Variants in CNBD1 observed in about 807,000 individuals in gnomAD.
CNBD1 encodes cyclic nucleotide-binding domain-containing protein 1.
A neutral mutation model predicts 54.4 loss-of-function variants in CNBD1; 71 were observed. That is an observed-to-expected ratio of 1.30 (90% CI 1.08 to 1.59). The LOEUF (loss-of-function observed/expected upper bound fraction) is 1.59, where lower values mean the gene tolerates loss of function less well. Among genes scored for constraint, CNBD1 ranks in the 40% most tolerant of loss-of-function variants. The pLI is 0.00. For synonymous variants in CNBD1, 182 were observed against 170.7 expected, an observed-to-expected ratio of 1.07 and a Z score of -0.51; for missense variants, 659 against 518.0, an observed-to-expected ratio of 1.27 and a Z score of -2.64.
At chr8:86,943,709 A>G (rs1454397544) in intron 4 of CNBD1, among the ~76,000 whole-genome samples, 1 of 152,204 alleles carries the variant, frequency 6.6e-6, no homozygotes, top group East Asian at 1.9e-4. Context: ...TTTGTTTTTT[A>G]AGGCATATCA....
rs371218597 is a variant in CNBD1 at position 87,343,531 on chromosome 8, AT to A, written c.1043-8152del. Among the ~76,000 whole-genome samples the A allele has an allele frequency of 2.2e-3, 337 of 152,338 alleles. 2 individuals are homozygous for A. Among genetic ancestry groups the A allele is most frequent in the African/African-American group, 7.6e-3 (318 of 41,582 alleles). Reference sequence around the variant, plus strand: ...CCTGACTTCCCGCAACAAAAAACAGATTATAAAACATGTAACTTATAACTAT... The same window carrying A: ...CCTGACTTCCCGCAACAAAAAACAGATATAAAACATGTAACTTATAACTAT... On this transcript the variant is annotated intron_variant, in intron 8 of 10. Transcript: ENST00000518476.
At chr8:87,311,953 G>A (rs1303490318) in intron 8 of CNBD1, among the ~76,000 whole-genome samples, 1 of 151,994 alleles carries the variant, frequency 6.6e-6, no homozygotes, top group Non-Finnish European at 1.5e-5. Flanking sequence ...AGAGTGGGGA[G>A]GGAGAGAGGG....
At chr8:87,194,029 G>A (rs542280692) in intron 4 of CNBD1, among the ~76,000 whole-genome samples, 5 of 152,258 alleles carry the variant, frequency 3.3e-5, no homozygotes, top group African/African-American at 1.2e-4. Context: ...GCTGAGCTCC[G>A]CCTCCTGTCA....
At chr8:86,967,801 G>GTTTT (rs796253707) in intron 4 of CNBD1, among the ~76,000 whole-genome samples, 1 of 134,274 alleles carries the variant, frequency 7.4e-6, no homozygotes, top group Non-Finnish European at 1.6e-5. Flanking sequence ...TGCTTGTTCA[G>GTTTT]TTTTTTTTTT....
chr8:86,943,316 G>A (rs1476532473), intron 4 of CNBD1, among the ~76,000 whole-genome samples: 4 of 135,012 alleles, frequency 3.0e-5, no homozygotes, highest in Non-Finnish European at 6.1e-5. Context: ...GAGGCGAGCC[G>A]AGATTGGGCC....
At chr8:87,250,364 A>G (rs1368062695) in intron 6 of CNBD1, among the ~76,000 whole-genome samples, 1 of 152,210 alleles carries the variant, frequency 6.6e-6, no homozygotes, top group African/African-American at 2.4e-5. Flanking sequence ...ACTCTTGTAC[A>G]CTGTTGGTTG....
intron 3 of CNBD1, among the ~76,000 whole-genome samples, chr8:86,924,600 A>G (rs1809327434): frequency 6.6e-6 from 1 of 152,088 alleles, no homozygotes; most frequent in African/African-American, 2.4e-5. Context: ...GACAATGAAT[A>G]TTTTTTTGCC....
intron 2 of CNBD1, among the ~76,000 whole-genome samples, chr8:87,397,247 A>G (rs1004503206): frequency 2.0e-5 from 3 of 151,888 alleles, no homozygotes; most frequent in Non-Finnish European, 4.4e-5. Context: ...AATAATATTT[A>G]TACTATTAGG....
At chr8:87,113,783 G>T (rs1296708533) in intron 4 of CNBD1, among the ~76,000 whole-genome samples, 2 of 152,022 alleles carry the variant, frequency 1.3e-5, no homozygotes, top group Non-Finnish European at 2.9e-5. Flanking sequence ...GCCAGGTGTG[G>T]TGGCAGGCGC....
At chr8:87,055,502 T>A (rs970676047) in intron 4 of CNBD1, among the ~76,000 whole-genome samples, 5 of 151,840 alleles carry the variant, frequency 3.3e-5, no homozygotes, top group Non-Finnish European at 5.9e-5. Flanking sequence ...GGGGAGGGAA[T>A]GTTTTCCTGG....
intron 4 of CNBD1, among the ~76,000 whole-genome samples, chr8:86,972,140 C>T (rs1056057120): frequency 4.6e-5 from 7 of 152,088 alleles, no homozygotes; most frequent in African/African-American, 7.2e-5. Flanking sequence ...TTAGTAGAGA[C>T]GGGGTTTCAC....
At chr8:87,324,667 T>C (rs1255622079) in intron 8 of CNBD1, among the ~76,000 whole-genome samples, 1 of 151,910 alleles carries the variant, frequency 6.6e-6, no homozygotes, top group Non-Finnish European at 1.5e-5. Flanking sequence ...TATCATTTTT[T>C]ATTGTGTCTA....
intron 3 of CNBD1, among the ~76,000 whole-genome samples, chr8:86,920,847 G>T (rs1395549799): frequency 6.6e-6 from 1 of 151,708 alleles, no homozygotes. Flanking sequence ...CTTTGATCTG[G>T]GTTAAAATGA....
chr8:87,164,769 C>T (rs1322438519), intron 4 of CNBD1, among the ~76,000 whole-genome samples: 3 of 151,554 alleles, frequency 2.0e-5, no homozygotes, highest in Non-Finnish European at 3.0e-5. Context: ...TTGCTAGTCT[C>T]TGTGTCATTT....
At chr8:87,099,057 A>C (rs1366201854) in intron 4 of CNBD1, among the ~76,000 whole-genome samples, 1 of 147,546 alleles carries the variant, frequency 6.8e-6, no homozygotes, top group Admixed American at 6.7e-5. Flanking sequence ...AAAAAAAAAA[A>C]AAACAAAACT....
chr8:87,390,991 A>T lies in CNBD1; in HGVS notation c.213+37205A>T, dbSNP rs186907243. Reference sequence around the variant, plus strand: ...TCATTCTCAGCAAACTATCACAAGGACAAAAAACCAAACACCGCATGTTCT... The same window carrying T: ...TCATTCTCAGCAAACTATCACAAGGTCAAAAAACCAAACACCGCATGTTCT... On this transcript the variant is annotated intron_variant, in intron 2 of 7. Coordinates refer to the CNBD1 transcript ENST00000521593. Among the ~76,000 whole-genome samples, 23 of 152,198 alleles carry T rather than the reference A, an allele frequency of 1.5e-4. No homozygotes were observed. The South Asian group carries it at 4.6e-3, about 30-fold the overall frequency.
At position 87,389,548 on chromosome 8, in the gene CNBD1, C is replaced by G. The variant is rs1350648859; in HGVS notation, c.213+35762C>G. ...ATCCAGGAATCCAACTTACAAGGGA[C>G]ATGAATTACCTCTTCAAGGAGAACT... is the stretch of plus-strand genomic sequence containing the variant. On this transcript the variant is annotated intron_variant, in intron 2 of 7. Transcript: ENST00000521593. Among the ~76,000 whole-genome samples the G allele has an allele frequency of 2.6e-5, 4 of 152,024 alleles. No individual in the cohort carries two copies. In the South Asian group the frequency reaches 8.3e-4, roughly 32 times the overall value.
intron 10 of CNBD1, among the ~76,000 whole-genome samples, chr8:87,359,669 C>T (rs1471609334): frequency 6.6e-6 from 1 of 151,950 alleles, no homozygotes; most frequent in Non-Finnish European, 1.5e-5. Context: ...TATAGATCCA[C>T]CTCTATGAAA....
chr8:87,028,545 G>T (rs1309933560), intron 4 of CNBD1, among the ~76,000 whole-genome samples: 1 of 152,206 alleles, frequency 6.6e-6, no homozygotes, highest in Admixed American at 6.5e-5. Flanking sequence ...TGATGCAGCT[G>T]AGAAGAAAGG....
Sources: gnomAD v4.1 joint callset for allele counts (sites outside exome capture counted in the v4.1 genomes callset) on GRCh38, gnomAD v4.1.1 for gene constraint, MANE v1.5 for transcripts, NCBI Gene and HGNC (gene_info 2026-07-23, HGNC 2026-07-21) for gene names.